The following PAXIP1 variants were observed in gnomAD, a reference collection of about 807,000 sequenced individuals.
The protein encoded by PAXIP1 is PAX interacting protein 1.
In PAXIP1, 19 loss-of-function variants were observed where a neutral mutation model predicts 140.6. The observed-to-expected ratio is 0.14, with a 90% CI of 0.09 to 0.20. The LOEUF (loss-of-function observed/expected upper bound fraction) is 0.20, where lower values mean the gene tolerates loss of function less well. Among genes scored for constraint, PAXIP1 ranks in the 10% least tolerant of loss-of-function variants. PAXIP1 has a pLI of 1.00. For missense variants in PAXIP1, 920 were observed against 1,208.6 expected, an observed-to-expected ratio of 0.76 and a Z score of 3.54; for synonymous variants, 442 against 444.6, an observed-to-expected ratio of 0.99 and a Z score of 0.07.
intron 1 of PAXIP1, 48 bp downstream of exon 1, chr7:155,002,801 C>T (rs765593492): frequency 3.6e-6 from 4 of 1,109,126 alleles, no homozygotes; most frequent in East Asian, 7.9e-5. Flanking sequence ...CGGGGACGGA[C>T]GGGGACGCGG....
chr7:154,947,774 G>C, intron 17 of PAXIP1, 129 bp downstream of exon 17: 1 of 724,220 alleles, frequency 1.4e-6, no homozygotes, highest in Non-Finnish European at 2.6e-6. Flanking sequence ...AAGCCAAGAG[G>C]TAAATGGGAT....
At chr7:154,992,769 T>A (rs554604730) in intron 3 of PAXIP1, among the ~76,000 whole-genome samples, 1 of 152,294 alleles carries the variant, frequency 6.6e-6, no homozygotes, top group East Asian at 1.9e-4. Context: ...TTAGGCTATG[T>A]ACAAGAAAAT....
At chr7:154,978,326 G>A (rs1024832108) in intron 5 of PAXIP1, among the ~76,000 whole-genome samples, 1 of 152,090 alleles carries the variant, frequency 6.6e-6, no homozygotes, top group East Asian at 1.9e-4. Flanking sequence ...CAAATTCCTA[G>A]GTTTTGGTGT....
chr7:154,995,893 A>G (rs1372846385), intron 2 of PAXIP1, among the ~76,000 whole-genome samples: 1 of 152,258 alleles, frequency 6.6e-6, no homozygotes, highest in South Asian at 2.1e-4. Flanking sequence ...AACATTTCCA[A>G]TGATGCCCAA....
chr7:154,980,012 G>C (rs535336955), intron 5 of PAXIP1, among the ~76,000 whole-genome samples: 1 of 152,200 alleles, frequency 6.6e-6, no homozygotes, highest in African/African-American at 2.4e-5. Flanking sequence ...AAATTTGTGA[G>C]AGCCTATTGT....
In PAXIP1 at chr7:154,961,021, G is replaced by A. The variant is rs1190820002; in HGVS notation, c.2306C>T (p.Ala769Val). The A allele has an allele frequency of 6.2e-7, 1 of 1,602,026 alleles. No individual in the cohort carries two copies. Among genetic ancestry groups the A allele is most frequent in the Non-Finnish European group, 8.5e-7 (1 of 1,173,808 alleles). Residue 769 changes from alanine (A) to valine (V), a missense_variant, in exon 12 of 21, where the codon GCC becomes GTC. Ala to Val is a moderately conservative substitution (Grantham distance 64). Around this residue, in one of 5 missense-constraint regions of PAXIP1, gnomAD observed 303 missense variants for 517.9 expected, o/e 0.59. Coordinates refer to ENST00000404141, the MANE Select transcript of PAXIP1 (RefSeq NM_007349.4). ...CAGAAGAATGTCGCCAAGCCACTGG[G>A]CGTTGACACAGGGTATCCTCCACTC... ...AKEWRIPCVN[A>V]QWLGDILLGN...
intron 5 of PAXIP1, among the ~76,000 whole-genome samples, chr7:154,982,946 T>G (rs1273176849): frequency 6.6e-5 from 10 of 152,158 alleles, no homozygotes; most frequent in Non-Finnish European, 1.3e-4. Context: ...TTACTGGATT[T>G]GAAAGGAAAT....
At position 154,946,403 on chromosome 7, in the gene PAXIP1, A is replaced by G; in HGVS notation, c.3156T>C (p.Val1052=). 1.2e-6 allele frequency: 2 copies of G among 1,613,976 alleles called. No individual in the cohort carries two copies. The highest frequency in any genetic ancestry group is 3.3e-5 in the Admixed American group (2 of 60,022). ...RGIDVHNAEF[V]LTGVLTQTLD... is the part of the protein sequence containing the mutation. ...GCGTTTGAGTGAGCACTCCAGTCAG[A>G]ACGAACTCTGCATTGTGAACATCTG... The change falls in exon 20 of 21, where the codon GTT becomes GTC. Residue 1052 remains valine, a synonymous_variant. Transcript: ENST00000404141. This position sits in a 1 kb window ranked among gnomAD's most constrained non-coding sequence, Gnocchi z 4.9.
In PAXIP1 at chr7:154,969,059, T is replaced by C. The variant is rs772247568; in HGVS notation, c.1142A>G (p.His381Arg). ...EQQVNHSQQGHTNANAVLFSQ... is the reference protein window; with the variant it reads ...EQQVNHSQQGRTNANAVLFSQ... ...AAACAGCACTGCATTGGCATTTGTA[T>C]GTCCCTGCTGGCTGTGATTCACCTG... The change falls in exon 7 of 21, where the codon CAT (histidine) becomes CGT (arginine). Residue 381 changes from histidine to arginine, a missense_variant. This residue lies in a region of PAXIP1 where 419 missense variants were observed against 514.7 expected (regional missense o/e 0.81). Coordinates refer to ENST00000404141, the MANE Select transcript of PAXIP1 (RefSeq NM_007349.4). 4.5e-5 allele frequency: 69 copies of C among 1,523,778 alleles called. No individual in the cohort carries two copies. In the Middle Eastern group the frequency reaches 9.2e-4, roughly 20 times the overall value. 94.4% of individuals were successfully genotyped at this position (1,523,778 alleles called of 1,614,324 possible).
At chr7:154,952,905 C>T (rs1808338547) in intron 16 of PAXIP1, among the ~76,000 whole-genome samples, 1 of 142,122 alleles carries the variant, frequency 7.0e-6, no homozygotes, top group Non-Finnish European at 1.5e-5. Flanking sequence ...AAAATTTTAA[C>T]TTTACTTCTA....
chr7:154,985,905 G>T, intron 4 of PAXIP1: 1 of 830,488 alleles, frequency 1.2e-6, no homozygotes, highest in Non-Finnish European at 1.7e-6. Flanking sequence ...AGGCAGTCAA[G>T]AAATACTGTT....
At position 154,967,786 on chromosome 7, in the gene PAXIP1, C is replaced by T. The variant is rs763051991; in HGVS notation, c.1893+30G>A. The T allele has an allele frequency of 3.4e-6, 5 of 1,473,680 alleles. No individual in the cohort carries two copies. In the African/African-American group the frequency reaches 4.2e-5, roughly 12 times the overall value. The allele number at this position is 1,473,680 out of a possible 1,614,324, so 91.3% of individuals were successfully genotyped here. A position where few individuals can be genotyped will look rare whatever the true frequency, so the allele number is the denominator to read the frequency against. On this transcript the variant is annotated intron_variant, in intron 8 of 20. Transcript: ENST00000404141. ...CATAAGAAAGAAGCATCTTCAGACA[C>T]AGTCATCCTTCCTCCAGGCACAATC...
At chr7:154,953,450 G>A (rs931976574) in intron 16 of PAXIP1, among the ~76,000 whole-genome samples, 10 of 152,146 alleles carry the variant, frequency 6.6e-5, no homozygotes, top group African/African-American at 2.4e-4. Flanking sequence ...TGAGAAAAAC[G>A]ACTGAGAATT....
chr7:154,947,666 T>C (rs1043268336), intron 17 of PAXIP1: 2 of 439,080 alleles, frequency 4.6e-6, no homozygotes, highest in African/African-American at 3.9e-5. Flanking sequence ...TTTATTAAAT[T>C]TGTGTACTTA....
At chr7:154,950,664 A>C (rs1203296372) in intron 16 of PAXIP1, 1 of 152,280 alleles carries the variant, frequency 6.6e-6, no homozygotes, top group Admixed American at 6.5e-5. Flanking sequence ...TTACGTCCAC[A>C]CTAAAACCTG....
chr7:154,974,805 C>A (rs1809491488), intron 6 of PAXIP1, among the ~76,000 whole-genome samples: 2 of 152,036 alleles, frequency 1.3e-5, no homozygotes, highest in South Asian at 4.1e-4. Context: ...GGCCAATATA[C>A]CACCTCAACT....
At chr7:154,972,563 C>A (rs1002100364) in intron 6 of PAXIP1, among the ~76,000 whole-genome samples, 1 of 152,156 alleles carries the variant, frequency 6.6e-6, no homozygotes, top group Non-Finnish European at 1.5e-5. Context: ...CTTTTTGACA[C>A]CACAGATAAA....
intron 4 of PAXIP1, among the ~76,000 whole-genome samples, chr7:154,985,707 A>ACT (rs1451119586): frequency 2.6e-5 from 4 of 151,770 alleles, no homozygotes; most frequent in Non-Finnish European, 2.9e-5. Context: ...AATCAGGAAC[A>ACT]CTCTCCCTTT....
intron 16 of PAXIP1, chr7:154,948,297 G>C (rs2150737957): frequency 3.3e-6 from 1 of 306,726 alleles, no homozygotes. Flanking sequence ...TGTAATTCCA[G>C]CACTTTGGGA....
Sources: allele counts gnomAD v4.1 joint callset (sites outside exome capture counted in the v4.1 genomes callset), GRCh38; gene constraint gnomAD v4.1.1; regional missense constraint gnomAD v4.1.1; non-coding constraint Gnocchi (gnomAD v3.1); transcripts MANE v1.5; gene names NCBI Gene and HGNC (gene_info 2026-07-23, HGNC 2026-07-21).